The following THRAP3 variants were observed in gnomAD, a reference collection of about 807,000 sequenced individuals.
The protein encoded by THRAP3 is thyroid hormone receptor associated protein 3.
THRAP3 carries 16 observed loss-of-function variants against 101.0 expected under a neutral mutation model. The ratio of observed to expected loss-of-function variants is 0.16; its 90% CI spans 0.11 to 0.24. The LOEUF is 0.24. THRAP3 is among the 10% of genes least tolerant of loss of function. The pLI is 1.00. For missense variants in THRAP3, 989 were observed against 1,202.7 expected, an observed-to-expected ratio of 0.82 and a Z score of 2.63; for synonymous variants, 407 against 422.6, an observed-to-expected ratio of 0.96 and a Z score of 0.45.
At chr1:36,248,384 T>A (rs1645257098) in intron 1 of THRAP3, among the ~76,000 whole-genome samples, 1 of 151,486 alleles carries the variant, frequency 6.6e-6, no homozygotes, top group Non-Finnish European at 1.5e-5. Flanking sequence ...CAAGTGATCC[T>A]TCTACCTTGG....
chr1:36,303,857 C>T lies in THRAP3; in HGVS notation c.2708C>T (p.Ala903Val). ...GTGAGCCGGGGCCGGGGCCGAGGAG[C>T]CTTTCCTCGGGGTCGGGGCCGGTTC... ...KWVSRGRGRG[A>V]FPRGRGRFMF... Residue 903 changes from alanine to valine, a missense_variant, in exon 12 of 12, where the codon GCC becomes GTC. Ala to Val is a moderately conservative substitution (Grantham distance 64). Transcript: ENST00000354618. The T allele has an allele frequency of 6.2e-7, 1 of 1,614,084 alleles. No homozygotes were observed. Among genetic ancestry groups the T allele is most frequent in the Non-Finnish European group, 8.5e-7 (1 of 1,180,008 alleles).
chr1:36,282,838 G>A, intron 3 of THRAP3, 138 bp downstream of exon 3: 3 of 830,500 alleles, frequency 3.6e-6, no homozygotes, highest in Non-Finnish European at 5.7e-6. Context: ...TGGGCTATAA[G>A]ATATTCCAGG....
At chr1:36,268,189 AAAAG>A (rs1327371871) in intron 2 of THRAP3, among the ~76,000 whole-genome samples, 3 of 152,110 alleles carry the variant, frequency 2.0e-5, no homozygotes, top group Non-Finnish European at 4.4e-5. Flanking sequence ...CTCAAAAAAA[AAAAG>A]AAAGGAATTA....
At chr1:36,276,217 T>TAAAAAAAA (rs781047221) in intron 2 of THRAP3, among the ~76,000 whole-genome samples, 3 of 126,770 alleles carry the variant, frequency 2.4e-5, no homozygotes, top group East Asian at 4.5e-4. Flanking sequence ...TTCAGCAGAG[T>TAAAAAAAA]AAAAAAAAAA....
the THRAP3 span, among the ~76,000 whole-genome samples, chr1:36,212,011 C>T: frequency 1.3e-5 from 2 of 152,296 alleles, no homozygotes; most frequent in African/African-American, 4.8e-5. Context: ...CATTTATTGG[C>T]TCATGGCATG....
chr1:36,228,636 T>A (rs1644990000), intron 1 of THRAP3, among the ~76,000 whole-genome samples: 1 of 152,208 alleles, frequency 6.6e-6, no homozygotes, highest in Non-Finnish European at 1.5e-5. Context: ...ATTACAGGCG[T>A]GAGCCACCAC....
chr1:36,241,067 C>T (rs953435408), intron 1 of THRAP3, among the ~76,000 whole-genome samples: 2 of 151,304 alleles, frequency 1.3e-5, no homozygotes, highest in South Asian at 2.1e-4. Flanking sequence ...ATTATCCGGG[C>T]GTGGTGGCAG....
At chr1:36,243,656 C>A (rs1186565709) in intron 1 of THRAP3, among the ~76,000 whole-genome samples, 2 of 152,178 alleles carry the variant, frequency 1.3e-5, no homozygotes, top group African/African-American at 4.8e-5. Flanking sequence ...CCTTCGCCCC[C>A]TTCTATTCCA....
At chr1:36,295,441 G>A (rs1645933097) in intron 8 of THRAP3, among the ~76,000 whole-genome samples, 1 of 152,154 alleles carries the variant, frequency 6.6e-6, no homozygotes, top group Non-Finnish European at 1.5e-5. Flanking sequence ...AGTTTCCCAA[G>A]AATTGTTGAA....
At chr1:36,292,515 C>G in intron 6 of THRAP3, 83 bp from the exon 7 acceptor site, 1 of 969,626 alleles carries the variant, frequency 1.0e-6, no homozygotes, top group Non-Finnish European at 1.6e-6. Flanking sequence ...CGTGATCTGC[C>G]CACCTCGGCC....
chr1:36,223,498 T>A (rs1018647161), upstream of THRAP3, among the ~76,000 whole-genome samples: 1 of 152,124 alleles, frequency 6.6e-6, no homozygotes, highest in Non-Finnish European at 1.5e-5. Flanking sequence ...AACACAGGCA[T>A]AGGGAGGAGC....
chr1:36,232,572 A>T (rs146414795), intron 1 of THRAP3, among the ~76,000 whole-genome samples: 1 of 152,182 alleles, frequency 6.6e-6, no homozygotes, highest in Non-Finnish European at 1.5e-5. Context: ...GTTTTATTCA[A>T]TGTTGAATCT....
At chr1:36,278,873 A>G (rs1645696539) in intron 2 of THRAP3, among the ~76,000 whole-genome samples, 1 of 152,092 alleles carries the variant, frequency 6.6e-6, no homozygotes, top group Non-Finnish European at 1.5e-5. Flanking sequence ...CAGTGAGCTG[A>G]GATCATGCCA....
At chr1:36,293,028 C>CTCTTTTTTTTT (rs1645896872) in intron 7 of THRAP3, among the ~76,000 whole-genome samples, 1 of 82,798 alleles carries the variant, frequency 1.2e-5, no homozygotes, top group African/African-American at 4.2e-5. Flanking sequence ...CTTTTCTTGT[C>CTCTTTTTTTTT]TTTTTTTTTT....
intron 1 of THRAP3, among the ~76,000 whole-genome samples, chr1:36,241,342 T>A (rs1645154298): frequency 6.8e-6 from 1 of 147,394 alleles, no homozygotes; most frequent in East Asian, 2.0e-4. Flanking sequence ...AGAAAAAAAA[T>A]TGTGCTGTAT....
chr1:36,303,080 G>C (rs1244773805), intron 11 of THRAP3, among the ~76,000 whole-genome samples: 1 of 151,710 alleles, frequency 6.6e-6, no homozygotes, highest in Admixed American at 6.6e-5. Flanking sequence ...TGAGTAGCTG[G>C]GACTACAGGC....
intron 1 of THRAP3, among the ~76,000 whole-genome samples, chr1:36,255,543 C>T (rs1395534831): frequency 2.0e-5 from 3 of 151,552 alleles, no homozygotes; most frequent in Admixed American, 6.6e-5. Flanking sequence ...CTGAGGTGGG[C>T]GGATCATTTG....
At position 36,296,552 on chromosome 1, in the gene THRAP3, G is replaced by A. The variant is rs761220377; in HGVS notation, c.2116-31G>A. 1.1e-5 allele frequency: 16 copies of A among 1,504,070 alleles called. No individual in the cohort carries two copies. The South Asian group carries it at 2.2e-4, about 21-fold the overall frequency. 93.2% of individuals were successfully genotyped at this position (1,504,070 alleles called of 1,614,324 possible). On this transcript the variant is annotated intron_variant, in intron 8 of 11. Transcript: ENST00000354618. ...GTTGAGTTGACAGCTCTGAATCCCA[G>A]AAACCTTAATTTTGGCTTATCTTTT...
At chr1:36,254,867 T>C (rs1416032683) in intron 1 of THRAP3, among the ~76,000 whole-genome samples, 1 of 152,222 alleles carries the variant, frequency 6.6e-6, no homozygotes, top group Non-Finnish European at 1.5e-5. Context: ...ATTTGGTCTG[T>C]GTGCCTTAGT....
Sources: gnomAD v4.1 joint callset for allele counts (sites outside exome capture counted in the v4.1 genomes callset) on GRCh38, gnomAD v4.1.1 for gene constraint, MANE v1.5 for transcripts, NCBI Gene and HGNC (gene_info 2026-07-23, HGNC 2026-07-21) for gene names.